The following SRGAP1 variants were observed in gnomAD, a reference collection of about 807,000 sequenced individuals.
SRGAP1 encodes SLIT-ROBO Rho GTPase-activating protein 1.
Under a neutral mutation model 121.9 loss-of-function variants are expected in SRGAP1, and 43 were observed. The ratio of observed to expected loss-of-function variants is 0.35; its 90% CI spans 0.28 to 0.46. SRGAP1 has a LOEUF of 0.46. SRGAP1 is among the 20% of genes least tolerant of loss of function. The probability of loss-of-function intolerance (pLI) is 1.00; values close to 1 mark genes in which losing one functional copy is unlikely to be tolerated. For synonymous variants in SRGAP1, 447 were observed against 485.4 expected, an observed-to-expected ratio of 0.92 and a Z score of 1.04; for missense variants, 1,102 against 1,350.9, an observed-to-expected ratio of 0.82 and a Z score of 2.89.
chr12:63,985,790 A>G (rs2033396841), intron 2 of SRGAP1, among the ~76,000 whole-genome samples: 1 of 152,138 alleles, frequency 6.6e-6, no homozygotes, highest in African/African-American at 2.4e-5. Context: ...AAGAGCTACT[A>G]TCTCAGTGAA....
chr12:63,957,305 T>G (rs1279547038), intron 1 of SRGAP1, among the ~76,000 whole-genome samples: 1 of 152,182 alleles, frequency 6.6e-6, no homozygotes, highest in Admixed American at 6.5e-5. Context: ...GCCAGTGAGC[T>G]TCCTGGGCTT....
At chr12:63,898,307 A>G (rs921164269) in intron 1 of SRGAP1, among the ~76,000 whole-genome samples, 6 of 152,244 alleles carry the variant, frequency 3.9e-5, no homozygotes, top group Non-Finnish European at 7.3e-5. Context: ...ATAGAATGTA[A>G]TATAGTACAG....
At chr12:63,948,854 A>ATG (rs2032143115) in intron 1 of SRGAP1, among the ~76,000 whole-genome samples, 1 of 117,758 alleles carries the variant, frequency 8.5e-6, no homozygotes, top group Non-Finnish European at 1.7e-5. Context: ...TATATTTTCC[A>ATG]TATATATATA....
Position 64,008,806 on chromosome 12 carries a change from C to G in SRGAP1, c.427-8144C>G, listed in dbSNP as rs144570536. Among the ~76,000 whole-genome samples the G allele has an allele frequency of 1.2e-3, 179 of 152,256 alleles. 1 individual carries two copies. The highest frequency in any genetic ancestry group is 4.1e-3 in the African/African-American group (171 of 41,530). On this transcript the variant is annotated intron_variant, in intron 3 of 21. Transcript: ENST00000355086. ...TTTTGCTTGCTAATCCAATGGATGA[C>G]TTATAAATGAGCAAATTTCCTGCTT...
chr12:63,986,582 C>T (rs1375132002), intron 2 of SRGAP1, among the ~76,000 whole-genome samples: 1 of 152,276 alleles, frequency 6.6e-6, no homozygotes, highest in African/African-American at 2.4e-5. Context: ...ACCACCACGC[C>T]TGGCTAATTT....
chr12:64,088,947 G>T (rs2035996855), intron 11 of SRGAP1, among the ~76,000 whole-genome samples: 1 of 152,206 alleles, frequency 6.6e-6, no homozygotes, highest in South Asian at 2.1e-4. Flanking sequence ...AGCTTCTCCA[G>T]ATATCACCAG....
chr12:63,891,645 T>C (rs1900583535), intron 1 of SRGAP1, among the ~76,000 whole-genome samples: 1 of 152,142 alleles, frequency 6.6e-6, no homozygotes, highest in African/African-American at 2.4e-5. Flanking sequence ...CATATTAGTA[T>C]ATTCAGTAAA....
chr12:63,988,258 G>C (rs1593008830), intron 2 of SRGAP1, among the ~76,000 whole-genome samples: 1 of 152,174 alleles, frequency 6.6e-6, no homozygotes, highest in South Asian at 2.1e-4. Context: ...TGTTCTGAAA[G>C]AATTTGTGGG....
intron 1 of SRGAP1, among the ~76,000 whole-genome samples, chr12:63,979,028 A>T (rs1221969899): frequency 7.5e-6 from 1 of 132,926 alleles, no homozygotes; most frequent in Non-Finnish European, 1.6e-5. Flanking sequence ...GTCTGTTGAG[A>T]CCCTTTGACC....
intron 1 of SRGAP1, among the ~76,000 whole-genome samples, chr12:63,866,582 A>G (rs1013899595): frequency 1.3e-5 from 2 of 152,242 alleles, no homozygotes; most frequent in African/African-American, 4.8e-5. Flanking sequence ...AATTTCAACA[A>G]TGCAAAAACC....
intron 4 of SRGAP1, among the ~76,000 whole-genome samples, chr12:64,023,655 A>G (rs1269681550): frequency 1.3e-5 from 2 of 152,210 alleles, no homozygotes; most frequent in East Asian, 1.9e-4. Context: ...CACACTCTCT[A>G]TGCATCAGCA....
intron 1 of SRGAP1, among the ~76,000 whole-genome samples, chr12:63,940,065 G>A (rs535121936): frequency 1.7e-3 from 265 of 151,902 alleles, no homozygotes; most frequent in African/African-American, 6.1e-3. Flanking sequence ...GGGTTCAAGC[G>A]ATTCTCCTGC....
intron 21 of SRGAP1, among the ~76,000 whole-genome samples, chr12:64,139,988 T>C (rs2036930896): frequency 6.6e-6 from 1 of 151,542 alleles, no homozygotes; most frequent in Non-Finnish European, 1.5e-5. Context: ...GCACCATTTA[T>C]TAAATAGGGA....
At chr12:64,032,562 C>T in intron 4 of SRGAP1, 1 of 993,568 alleles carries the variant, frequency 1.0e-6, no homozygotes, top group Non-Finnish European at 1.6e-6. Context: ...TGACCAGAGC[C>T]ACGGACCTAG....
At chr12:63,956,146 A>G (rs891727825) in intron 1 of SRGAP1, among the ~76,000 whole-genome samples, 3 of 152,148 alleles carry the variant, frequency 2.0e-5, no homozygotes, top group Admixed American at 6.5e-5. Context: ...TTGGGACTAC[A>G]GACATGCACC....
At chr12:64,025,402 G>A (rs1438525284) in intron 4 of SRGAP1, among the ~76,000 whole-genome samples, 1 of 152,098 alleles carries the variant, frequency 6.6e-6, no homozygotes, top group Non-Finnish European at 1.5e-5. Context: ...TTTTCTCTGA[G>A]CCTCAAAGAG....
chr12:63,971,066 C>T (rs1484557387), intron 1 of SRGAP1, among the ~76,000 whole-genome samples: 2 of 152,204 alleles, frequency 1.3e-5, no homozygotes, highest in South Asian at 2.1e-4. Flanking sequence ...GCTCTCTAGA[C>T]ACTCTCAGCC....
rs547288240 is a variant in SRGAP1 at position 63,876,346 on chromosome 12, C to T, written c.67+31463C>T. Among the ~76,000 whole-genome samples the T allele has an allele frequency of 1.8e-4, 27 of 152,216 alleles. No individual in the cohort carries two copies. In the East Asian group the frequency reaches 5.2e-3, roughly 29 times the overall value. On this transcript the variant is annotated intron_variant, in intron 1 of 21. Transcript: ENST00000355086. ...AGGATAGAAAGGAATAATCAGGGAG[C>T]TTAATGCAATCAGAACCTTGTAGCC...
At chr12:63,984,404 T>C (rs2033357614) in intron 2 of SRGAP1, among the ~76,000 whole-genome samples, 1 of 152,146 alleles carries the variant, frequency 6.6e-6, no homozygotes, top group Non-Finnish European at 1.5e-5. Flanking sequence ...GGTATATGTT[T>C]GTAAAATTCT....
Sources: allele counts gnomAD v4.1 joint callset (sites outside exome capture counted in the v4.1 genomes callset), GRCh38; gene constraint gnomAD v4.1.1; transcripts MANE v1.5; gene names NCBI Gene and HGNC (gene_info 2026-07-23, HGNC 2026-07-21).